The following FBXO32 variants were observed in gnomAD, a reference collection of about 807,000 sequenced individuals.
FBXO32 encodes the protein F-box protein 32, also known as F-box only protein 32.
In FBXO32, 15 loss-of-function variants were observed where a neutral mutation model predicts 48.3. The observed-to-expected ratio is 0.31, with a 90% CI of 0.21 to 0.48. The LOEUF is 0.48. FBXO32 is among the 20% of genes least tolerant of loss of function. The probability of loss-of-function intolerance (pLI) is 0.99; values close to 1 mark genes in which losing one functional copy is unlikely to be tolerated. For missense variants in FBXO32, 309 were observed against 432.7 expected (o/e 0.71, Z 2.54); for synonymous variants, 154 against 165.9 (o/e 0.93, Z 0.55).
intron 1 of FBXO32, among the ~76,000 whole-genome samples, chr8:123,537,694 A>C (rs1468509967): frequency 6.6e-6 from 1 of 152,336 alleles, no homozygotes; most frequent in East Asian, 1.9e-4. Flanking sequence ...TGCTCTGGTG[A>C]AACAAACAGC....
chr8:123,534,296 T>A (rs1479659478), intron 2 of FBXO32, among the ~76,000 whole-genome samples: 1 of 152,194 alleles, frequency 6.6e-6, no homozygotes, highest in Non-Finnish European at 1.5e-5. Context: ...TGCTGATACT[T>A]ATATATAGTA....
chr8:123,535,619 T>C (rs562821655), intron 1 of FBXO32, among the ~76,000 whole-genome samples: 2 of 152,342 alleles, frequency 1.3e-5, no homozygotes, highest in South Asian at 4.1e-4. Flanking sequence ...AGACGCTTAT[T>C]TGCCTCAGTG....
chr8:123,504,875 G>T, intron 7 of FBXO32, 128 bp from the exon 8 acceptor site: 1 of 806,200 alleles, frequency 1.2e-6, no homozygotes. Context: ...TAGCCAGGAA[G>T]GAAAACTGTC....
In FBXO32 at chr8:123,530,914, G is replaced by GA. The variant is rs201112155; in HGVS notation, c.372+983_372+984insT. Among the ~76,000 whole-genome samples, 1,426 of 142,868 alleles carry GA rather than the reference G, an allele frequency of 1.0e-2. 31 individuals are homozygous for GA. The highest frequency in any genetic ancestry group is 0.034 in the African/African-American group (1,324 of 38,578). 93.7% of individuals were successfully genotyped at this position (142,868 alleles called of 152,430 possible). ...TTACAGGCGTGAGCCAATGCACCCA[G>GA]CCTTTTTTTTTTTTTCTCAAAATAC... is the stretch of plus-strand genomic sequence containing the variant. On this transcript the variant is annotated intron_variant, in intron 4 of 8. Coordinates refer to ENST00000517956, the MANE Select transcript of FBXO32 (RefSeq NM_058229.4).
chr8:123,535,612 C>A (rs946959624), intron 1 of FBXO32, among the ~76,000 whole-genome samples: 1 of 152,180 alleles, frequency 6.6e-6, no homozygotes, highest in Non-Finnish European at 1.5e-5. Flanking sequence ...TCGGGCCAGA[C>A]GCTTATTTGC....
Position 123,503,193 on chromosome 8 carries a change from C to A in FBXO32, c.*180G>T. 4.1e-6 allele frequency: 2 copies of A among 489,052 alleles called. No homozygotes were observed. Among genetic ancestry groups the A allele is most frequent in the Non-Finnish European group, 3.6e-6 (1 of 276,632 alleles). 30.3% of individuals were successfully genotyped at this position (489,052 alleles called of 1,614,324 possible). On this transcript the variant is annotated 3_prime_UTR_variant, in exon 9 of 9. Transcript: ENST00000517956. Reference sequence around the variant, plus strand: ...CCAATTCTAGTGAGAAGTTCACATTCTTAAATTCCCAGTCAGCAACTGCAT... The same window carrying A: ...CCAATTCTAGTGAGAAGTTCACATTATTAAATTCCCAGTCAGCAACTGCAT...
rs190812056 is a variant in FBXO32, at chr8:123,503,269, A to C, written c.*104T>G. ...GACTTATCTCTGAAGTTTCGAGCCA[A>C]TGTTTAAAATGTACACTATTTACAA... On this transcript the variant is annotated 3_prime_UTR_variant, in exon 9 of 9. Transcript: ENST00000517956. The C allele has an allele frequency of 2.2e-6, 2 of 894,160 alleles. No homozygotes were observed. The highest frequency in any genetic ancestry group is 5.2e-5 in the East Asian group (2 of 38,598). The allele number at this position is 894,160 out of a possible 1,614,324, so 55.4% of individuals were successfully genotyped here. A position where few individuals can be genotyped will look rare whatever the true frequency, so the allele number is the denominator to read the frequency against.
Position 123,510,085 on chromosome 8 carries a change from T to G in FBXO32, c.651+3113A>C, listed in dbSNP as rs551665070. Among the ~76,000 whole-genome samples the G allele has an allele frequency of 2.6e-5, 4 of 152,328 alleles. No homozygotes were observed. In the East Asian group the frequency reaches 7.7e-4, roughly 29 times the overall value. On this transcript the variant is annotated intron_variant, in intron 6 of 8. Coordinates refer to ENST00000517956, the MANE Select transcript of FBXO32 (RefSeq NM_058229.4). ...ATGACTCCTATTTACAATTCTTCAC[T>G]AGGTGAGTTAATTAATACATGCAAA...
chr8:123,506,277 C>A lies in FBXO32; in HGVS notation c.834+115G>T. ...TTCAACTGTCATTTTTCAGTCAAAC[C>A]AGGGAACCTGGAATAGGGGGAACCC... On this transcript the variant is annotated intron_variant, in intron 7 of 8. Coordinates refer to ENST00000517956, the MANE Select transcript of FBXO32 (RefSeq NM_058229.4). The surrounding 1 kb of genome is among the most constrained non-coding windows in gnomAD (Gnocchi z 4.0). The A allele has an allele frequency of 8.5e-7, 1 of 1,171,372 alleles. No homozygotes were observed. Among genetic ancestry groups the A allele is most frequent in the Non-Finnish European group, 1.2e-6 (1 of 822,504 alleles). The allele number at this position is 1,171,372 out of a possible 1,614,324, so 72.6% of individuals were successfully genotyped here.
chr8:123,499,509 GAGTTT>G lies in FBXO32; in HGVS notation c.*3859_*3863del, dbSNP rs1816435709. 6.6e-6 allele frequency: 1 copy of G among 150,476 alleles called. No homozygotes were observed. The highest frequency in any genetic ancestry group is 1.5e-5 in the Non-Finnish European group (1 of 67,688). 9.3% of individuals were successfully genotyped at this position (150,476 alleles called of 1,614,324 possible). On this transcript the variant is annotated 3_prime_UTR_variant, in exon 9 of 9. Coordinates refer to ENST00000517956, the MANE Select transcript of FBXO32 (RefSeq NM_058229.4). ...GATGTCAACATAGAAAATGATGATA[GAGTTT>G]AGTTAAAAAAATTCACACATAAAAT...
chr8:123,503,529 G>A, intron 8 of FBXO32, 67 bp from the exon 9 acceptor site: 1 of 1,282,122 alleles, frequency 7.8e-7, no homozygotes, highest in Non-Finnish European at 1.1e-6. Context: ...GCACCATAAG[G>A]CATTTTCCAA....
rs1817245107 is a variant in FBXO32, at chr8:123,533,247, A to G, written c.230-7T>C. 6.2e-7 allele frequency: 1 copy of G among 1,607,702 alleles called. No homozygotes were observed. The highest frequency in any genetic ancestry group is 1.3e-5 in the African/African-American group (1 of 74,788). On this transcript the variant is annotated splice_polypyrimidine_tract_variant and splice_region_variant and intron_variant, in intron 2 of 8. Coordinates refer to ENST00000517956, the MANE Select transcript of FBXO32 (RefSeq NM_058229.4). ...CATTTTTCTTGGTGGAAATCTACAG[A>G]GACAAAAAGAATACACAGCTTTAAC...
rs1816496914 is a variant in FBXO32 at position 123,501,830 on chromosome 8, A to C, written c.*1543T>G. On this transcript the variant is annotated 3_prime_UTR_variant, in exon 9 of 9. Transcript: ENST00000517956. ...ATTTGCCAAGGGCATGCAGGGTGAC[A>C]AGTTTATTTGGAAAAAAAAAAAGCA... is the stretch of plus-strand genomic sequence containing the variant. 6.6e-6 allele frequency: 1 copy of C among 151,912 alleles called. No homozygotes were observed. The highest frequency in any genetic ancestry group is 1.5e-5 in the Non-Finnish European group (1 of 68,036). 9.4% of individuals were successfully genotyped at this position (151,912 alleles called of 1,614,324 possible). A position where few individuals can be genotyped will look rare whatever the true frequency, so the allele number is the denominator to read the frequency against.
At chr8:123,514,207 T>C in intron 5 of FBXO32, 33 bp downstream of exon 5, 2 of 1,562,852 alleles carry the variant, frequency 1.3e-6, no homozygotes, top group South Asian at 2.3e-5. Context: ...TCCATGCCTA[T>C]AAAAAGGGGC....
rs560359886 is a variant in FBXO32, at chr8:123,525,249, A to G, written c.372+6649T>C. Among the ~76,000 whole-genome samples, 5 of 152,330 alleles carry G rather than the reference A, an allele frequency of 3.3e-5. No individual in the cohort carries two copies. The East Asian group carries it at 9.6e-4, about 29-fold the overall frequency. On this transcript the variant is annotated intron_variant, in intron 4 of 8. Transcript: ENST00000517956. The surrounding 1 kb of genome is among the most constrained non-coding windows in gnomAD (Gnocchi z 4.3). ...GCACTTAGGGTGGTAACGCAGAAAA[A>G]AATAAGAATGTGCATCAGTTTAGGT... is the stretch of plus-strand genomic sequence containing the variant.
intron 1 of FBXO32, among the ~76,000 whole-genome samples, chr8:123,536,998 C>T (rs777826673): frequency 2.0e-5 from 3 of 152,116 alleles, no homozygotes; most frequent in Non-Finnish European, 4.4e-5. Flanking sequence ...CAAAGAGAAA[C>T]CCTATATTTT....
At chr8:123,528,058 A>G (rs1278249177) in intron 4 of FBXO32, among the ~76,000 whole-genome samples, 1 of 152,238 alleles carries the variant, frequency 6.6e-6, no homozygotes, top group Non-Finnish European at 1.5e-5. Flanking sequence ...GCTGGTCTGT[A>G]AACTTGAAAA....
At chr8:123,524,015 G>A (rs937080558) in intron 4 of FBXO32, among the ~76,000 whole-genome samples, 1 of 152,184 alleles carries the variant, frequency 6.6e-6, no homozygotes, top group East Asian at 1.9e-4. Context: ...TCTTTTAGAG[G>A]TATATGAGTT....
At position 123,528,919 on chromosome 8, in the gene FBXO32, A is replaced by G. The variant is rs1162491098; in HGVS notation, c.372+2979T>C. Among the ~76,000 whole-genome samples the G allele has an allele frequency of 2.6e-5, 4 of 152,348 alleles. No homozygotes were observed. The East Asian group carries it at 7.7e-4, about 29-fold the overall frequency. On this transcript the variant is annotated intron_variant, in intron 4 of 8. Coordinates refer to ENST00000517956, the MANE Select transcript of FBXO32 (RefSeq NM_058229.4). ...CAGTAATCATTGTAGCATTTAAACA[A>G]CATTAGGTCAAAGTAGTACGATGGG...
Sources: gnomAD v4.1 joint callset for allele counts (sites outside exome capture counted in the v4.1 genomes callset) on GRCh38, gnomAD v4.1.1 for gene constraint, Gnocchi (gnomAD v3.1) non-coding constraint, MANE v1.5 for transcripts, NCBI Gene and HGNC (gene_info 2026-07-23, HGNC 2026-07-21) for gene names.